The following CLDN16 variants were observed in gnomAD, a reference collection of about 807,000 sequenced individuals.
The protein encoded by CLDN16 is claudin-16.
Under a neutral mutation model 24.6 loss-of-function variants are expected in CLDN16, and 13 were observed. The observed-to-expected ratio is 0.53, with a 90% CI of 0.34 to 0.84. The LOEUF (loss-of-function observed/expected upper bound fraction) is 0.84. CLDN16 is among the 40% of genes least tolerant of loss of function. The pLI is 0.01. For missense variants in CLDN16, 298 were observed against 292.7 expected (o/e 1.02, Z -0.13); for synonymous variants, 116 against 106.7 (o/e 1.09, Z -0.54).
At chr3:190,320,562 C>T (rs1716892017), upstream of CLDN16, among the ~76,000 whole-genome samples, 3 of 152,142 alleles carry the variant, frequency 2.0e-5, no homozygotes, top group African/African-American at 7.2e-5. Context: ...GAAATAATAA[C>T]ACTCAAAACA....
intron 1 of CLDN16, among the ~76,000 whole-genome samples, chr3:190,339,167 T>C (rs1175419936): frequency 6.6e-6 from 1 of 152,184 alleles, no homozygotes; most frequent in Admixed American, 6.5e-5. Context: ...ACTCTACCCA[T>C]CCTTCATCTT....
chr3:190,355,900 C>G (rs1717759640), intron 1 of CLDN16, among the ~76,000 whole-genome samples: 1 of 148,554 alleles, frequency 6.7e-6, no homozygotes, highest in Admixed American at 6.7e-5. Context: ...TTGGTTGGTT[C>G]TTTTATTTTT....
chr3:190,374,732 C>T (rs889012424), intron 3 of CLDN16: 1 of 151,886 alleles, frequency 6.6e-6, no homozygotes, highest in Non-Finnish European at 1.5e-5. Context: ...AACAACAACA[C>T]TTGTTAGTTA....
upstream of CLDN16, among the ~76,000 whole-genome samples, chr3:190,321,512 T>C (rs1414823933): frequency 6.6e-6 from 1 of 152,204 alleles, no homozygotes; most frequent in Non-Finnish European, 1.5e-5. Context: ...AAAATCATAT[T>C]AAAGGTTAAA....
intron 1 of CLDN16, among the ~76,000 whole-genome samples, chr3:190,323,003 T>TACACACACAC (rs147722582): frequency 0.022 from 3,122 of 144,458 alleles, 58 homozygotes; most frequent in African/African-American, 0.048. Context: ...CAACATGATT[T>TACACACACAC]ACACACACAC....
chr3:190,313,282 A>G, the CLDN16 span: 2 of 504,292 alleles, frequency 4.0e-6, no homozygotes, highest in Non-Finnish European at 7.1e-6. Flanking sequence ...TTCCAACATT[A>G]AATTCAAAAT....
rs772469095 is a variant in CLDN16, at chr3:190,412,013, G to A, written c.*1977G>A. On this transcript the variant is annotated 3_prime_UTR_variant, in exon 5 of 5. Transcript: ENST00000264734. ...CAAAAATAATTAGTTAATTAGATTT[G>A]AAAAATGTAATTTTTCCATTTTAAA... is the stretch of plus-strand genomic sequence containing the variant. 3 of 151,918 alleles carry A rather than the reference G, an allele frequency of 2.0e-5. No individual in the cohort carries two copies. Among genetic ancestry groups the A allele is most frequent in the Middle Eastern group, 3.2e-3 (1 of 316 alleles). 9.4% of individuals were successfully genotyped at this position (151,918 alleles called of 1,614,324 possible). A position where few individuals can be genotyped will look rare whatever the true frequency, so the allele number is the denominator to read the frequency against.
the CLDN16 span, among the ~76,000 whole-genome samples, chr3:190,292,187 T>A: frequency 6.6e-6 from 1 of 152,252 alleles, no homozygotes; most frequent in East Asian, 1.9e-4. Context: ...AGCAGACTTA[T>A]GCCTGGACAT....
At chr3:190,371,443 T>C (rs1335542550) in intron 2 of CLDN16, among the ~76,000 whole-genome samples, 1 of 151,868 alleles carries the variant, frequency 6.6e-6, no homozygotes, top group Non-Finnish European at 1.5e-5. Flanking sequence ...TGCCAGGATA[T>C]AGGAACAAGT....
At chr3:190,387,954 G>C (rs1413426249), upstream of CLDN16, 1 of 672,198 alleles carries the variant, frequency 1.5e-6, no homozygotes, top group Non-Finnish European at 2.6e-6. Context: ...GCATGGGGTG[G>C]GACCCTTCCT....
At chr3:190,292,651 T>C in the CLDN16 span, among the ~76,000 whole-genome samples, 1 of 152,246 alleles carries the variant, frequency 6.6e-6, no homozygotes, top group African/African-American at 2.4e-5. Flanking sequence ...TTTTATGCTC[T>C]GCTTCCCTTT....
the CLDN16 span, among the ~76,000 whole-genome samples, chr3:190,295,818 T>G: frequency 1.3e-5 from 2 of 152,208 alleles, no homozygotes; most frequent in African/African-American, 4.8e-5. Flanking sequence ...ATATTAAATG[T>G]ATATGTTCAT....
chr3:190,348,280 CA>C (rs34092127), intron 1 of CLDN16, among the ~76,000 whole-genome samples: 3,130 of 76,946 alleles, frequency 0.041, 68 homozygotes, highest in East Asian at 0.11. Flanking sequence ...AAGAATAAAT[CA>C]AAAAAAAAAA....
chr3:190,302,782 A>AAG, the CLDN16 span, among the ~76,000 whole-genome samples: 3 of 58,202 alleles, frequency 5.2e-5, no homozygotes, highest in African/African-American at 1.2e-4. Flanking sequence ...AAAAAAAAAT[A>AAG]TATATATATA....
At chr3:190,329,860 G>T (rs1275521780) in intron 1 of CLDN16, among the ~76,000 whole-genome samples, 1 of 152,098 alleles carries the variant, frequency 6.6e-6, no homozygotes, top group East Asian at 1.9e-4. Flanking sequence ...CAGTTAGAAG[G>T]ATGTTAGTAT....
chr3:190,408,497 T>TTTTTAAAGGTAAGAATATC lies in CLDN16; in HGVS notation c.574+9_574+10insTCTTTTAAAGGTAAGAATA, dbSNP rs1214935030. 29 of 1,613,782 alleles carry TTTTTAAAGGTAAGAATATC rather than the reference T, an allele frequency of 1.8e-5. No homozygotes were observed. Among genetic ancestry groups the TTTTTAAAGGTAAGAATATC allele is most frequent in the Non-Finnish European group, 2.5e-5 (29 of 1,179,738 alleles). ...GCTGTTCTCACCTGCTGCTTATATC[T>TTTTTAAAGGTAAGAATATC]TTTTAAAGGTAAGAATAAAATAAAA... On this transcript the variant is annotated frameshift_variant, in exon 4 of 5. Coordinates refer to ENST00000264734, the MANE Select transcript of CLDN16 (RefSeq NM_006580.4). LOFTEE classifies it low-confidence loss of function (END_TRUNC).
At chr3:190,291,743 T>C in the CLDN16 span, among the ~76,000 whole-genome samples, 4 of 152,112 alleles carry the variant, frequency 2.6e-5, no homozygotes, top group African/African-American at 9.7e-5. Flanking sequence ...AGTTAGTTCC[T>C]TCCAAGATAC....
At chr3:190,335,357 C>A (rs1321632298) in intron 1 of CLDN16, among the ~76,000 whole-genome samples, 2 of 151,878 alleles carry the variant, frequency 1.3e-5, no homozygotes, top group Non-Finnish European at 2.9e-5. Flanking sequence ...AGGATGAATT[C>A]TTCTGAAATC....
intron 1 of CLDN16, among the ~76,000 whole-genome samples, chr3:190,325,950 G>A (rs9290929): frequency 0.65 from 98,774 of 152,024 alleles, 33,095 homozygotes; most frequent in East Asian, 0.93. Flanking sequence ...TACTAAAACT[G>A]CATTGCTGTG....
Sources: gnomAD v4.1 joint callset for allele counts (sites outside exome capture counted in the v4.1 genomes callset) on GRCh38, gnomAD v4.1.1 for gene constraint, MANE v1.5 for transcripts, NCBI Gene and HGNC (gene_info 2026-07-23, HGNC 2026-07-21) for gene names.